CRB1: variants seen among roughly 807,000 people sequenced by gnomAD.
CRB1 encodes crumbs cell polarity complex component 1, also known as protein crumbs homolog 1.
Under a neutral mutation model 120.0 loss-of-function variants are expected in CRB1, and 83 were observed. The ratio of observed to expected loss-of-function variants is 0.69; its 90% CI spans 0.58 to 0.83. CRB1 has a LOEUF of 0.83. Ranked by LOEUF, CRB1 falls within the 40% of genes least tolerant of loss-of-function variation. The probability of loss-of-function intolerance (pLI) is 0.00; values close to 1 mark genes in which losing one functional copy is unlikely to be tolerated. For synonymous variants in CRB1, 625 were observed against 612.5 expected, an observed-to-expected ratio of 1.02 and a Z score of -0.30; for missense variants, 1,699 against 1,687.6, an observed-to-expected ratio of 1.01 and a Z score of -0.12.
intron 5 of CRB1, among the ~76,000 whole-genome samples, chr1:197,367,674 C>T (rs1051042453): frequency 3.3e-5 from 5 of 152,242 alleles, no homozygotes; most frequent in Middle Eastern, 3.4e-3. Flanking sequence ...CATCCAAGTC[C>T]AATTTTCATT....
intron 1 of CRB1, among the ~76,000 whole-genome samples, chr1:197,321,143 A>G (rs1380473305): frequency 2.6e-5 from 4 of 152,118 alleles, no homozygotes; most frequent in Non-Finnish European, 5.9e-5. Context: ...GGAGATCAAG[A>G]CCCATTCTCC....
intron 1 of CRB1, among the ~76,000 whole-genome samples, chr1:197,288,562 C>T (rs950679613): frequency 2.6e-5 from 4 of 151,696 alleles, no homozygotes; most frequent in Non-Finnish European, 5.9e-5. Context: ...GTTAGAATTA[C>T]CAGATAAGGG....
At chr1:197,227,058 C>T in the CRB1 span, among the ~76,000 whole-genome samples, 75 of 152,220 alleles carry the variant, frequency 4.9e-4, no homozygotes, top group Admixed American at 1.8e-3. Context: ...GACACAGAGC[C>T]AAACCATATC....
At chr1:197,395,377 A>G (rs565142150) in intron 5 of CRB1, among the ~76,000 whole-genome samples, 2 of 152,260 alleles carry the variant, frequency 1.3e-5, no homozygotes, top group African/African-American at 4.8e-5. Flanking sequence ...AAAACAAATT[A>G]TTCATAAGCC....
intron 1 of CRB1, among the ~76,000 whole-genome samples, chr1:197,273,633 A>G (rs2125203962): frequency 6.6e-6 from 1 of 152,194 alleles, no homozygotes; most frequent in Admixed American, 6.5e-5. Flanking sequence ...GTATGAATCT[A>G]TTGACATTTA....
the CRB1 span, among the ~76,000 whole-genome samples, chr1:197,227,393 C>CTT: frequency 1.1e-4 from 15 of 138,114 alleles, no homozygotes; most frequent in East Asian, 4.3e-4. Flanking sequence ...TTTTCTTTTT[C>CTT]TTTTTTTTTT....
intron 5 of CRB1, among the ~76,000 whole-genome samples, chr1:197,403,709 T>C (rs1462135810): frequency 3.3e-5 from 5 of 152,154 alleles, no homozygotes; most frequent in Non-Finnish European, 4.4e-5. Context: ...CTCTATTGCT[T>C]GCTGCCAGAT....
At chr1:197,443,571 T>A (rs1472245481) in intron 11 of CRB1, 1 of 151,866 alleles carries the variant, frequency 6.6e-6, no homozygotes, top group Non-Finnish European at 1.5e-5. Flanking sequence ...ATTGTAAAAC[T>A]TGAATTTTCT....
At chr1:197,345,894 G>A (rs1471527068) in intron 3 of CRB1, among the ~76,000 whole-genome samples, 1 of 151,948 alleles carries the variant, frequency 6.6e-6, no homozygotes, top group African/African-American at 2.4e-5. Context: ...TTGACTTTTA[G>A]TTGTACCCCA....
At chr1:197,317,534 C>T (rs1657926611) in intron 1 of CRB1, among the ~76,000 whole-genome samples, 2 of 152,010 alleles carry the variant, frequency 1.3e-5, no homozygotes, top group Admixed American at 6.5e-5. Context: ...CCCCAAATTA[C>T]CCAAGCAATC....
At position 197,460,338 on chromosome 1, in the gene CRB1, C is replaced by A. The variant is rs1467624742; in HGVS notation, c.4006-17326C>A. Among the ~76,000 whole-genome samples the A allele has an allele frequency of 2.0e-5, 3 of 152,114 alleles. No homozygotes were observed. In the East Asian group the frequency reaches 5.8e-4, roughly 29 times the overall value. On this transcript the variant is annotated intron_variant, in intron 11 of 11. Coordinates refer to ENST00000367400, the MANE Select transcript of CRB1 (RefSeq NM_201253.3). ...AGATCAATATAAAAGGTGCCTTATA[C>A]TGAGCAGTGGTTGGTTTGAACATTT...
At chr1:197,376,855 T>G (rs145752250) in intron 5 of CRB1, among the ~76,000 whole-genome samples, 199 of 152,306 alleles carry the variant, frequency 1.3e-3, no homozygotes, top group African/African-American at 4.7e-3. Flanking sequence ...TTGGAAGCCC[T>G]TGTGTGATCT....
chr1:197,434,736 G>A lies in CRB1; in HGVS notation c.2873G>A (p.Ser958Asn), dbSNP rs1236248738. 3.7e-6 allele frequency: 6 copies of A among 1,613,348 alleles called. No homozygotes were observed. Among genetic ancestry groups the A allele is most frequent in the Admixed American group, 1.7e-5 (1 of 59,926 alleles). The change falls in exon 9 of 12, where the codon AGC becomes AAC. Residue 958 changes from serine (S) to asparagine (N), a missense_variant. Transcript: ENST00000367400. ...CIANAVFNGQ[S>N]GQILFRSNGN... is the part of the protein sequence containing the mutation. ...GCAAATGCTGTTTTTAATGGACAAA[G>A]CGGTCAAATATTATTCAGAAGCAAT...
chr1:197,426,194 C>T (rs1664574404), intron 6 of CRB1, among the ~76,000 whole-genome samples: 1 of 152,016 alleles, frequency 6.6e-6, no homozygotes, highest in African/African-American at 2.4e-5. Flanking sequence ...GTTGTATCTA[C>T]CTTCAAAATA....
At chr1:197,414,344 G>A (rs1274673070) in intron 5 of CRB1, among the ~76,000 whole-genome samples, 1 of 151,924 alleles carries the variant, frequency 6.6e-6, no homozygotes, top group Non-Finnish European at 1.5e-5. Context: ...CATGGCTTCA[G>A]CAAAGTGAGA....
the CRB1 span, among the ~76,000 whole-genome samples, chr1:197,229,588 T>C: frequency 6.6e-5 from 10 of 152,208 alleles, no homozygotes; most frequent in Non-Finnish European, 2.9e-5. Context: ...CAGGTAGTTT[T>C]TCAGCCCTTG....
chr1:197,436,910 A>C (rs898283632), intron 9 of CRB1, among the ~76,000 whole-genome samples: 2 of 152,170 alleles, frequency 1.3e-5, no homozygotes, highest in Non-Finnish European at 2.9e-5. Context: ...CCCATTTCAA[A>C]GTATTTCACA....
At position 197,427,607 on chromosome 1, in the gene CRB1, A is replaced by C. The variant is rs1425910355; in HGVS notation, c.2282A>C (p.Gln761Pro). ...LLLALENSTY[Q>P]YIRVWLERGR... Reference sequence around the variant, plus strand: ...CTAGCTTTGGAAAACAGCACTTATCAATATATCCGTGTCTGGCTAGAGCGC... The same window carrying C: ...CTAGCTTTGGAAAACAGCACTTATCCATATATCCGTGTCTGGCTAGAGCGC... The change falls in exon 7 of 12, where the codon CAA becomes CCA. Residue 761 changes from glutamine to proline, a missense_variant. Transcript: ENST00000367400. The C allele has an allele frequency of 6.2e-7, 1 of 1,614,016 alleles. No individual in the cohort carries two copies. Among genetic ancestry groups the C allele is most frequent in the Non-Finnish European group, 8.5e-7 (1 of 1,180,004 alleles).
intron 1 of CRB1, among the ~76,000 whole-genome samples, chr1:197,310,477 A>T (rs1657451373): frequency 6.6e-6 from 1 of 152,196 alleles, no homozygotes; most frequent in Non-Finnish European, 1.5e-5. Flanking sequence ...GGGAAAAGGA[A>T]CGTCAAGGTA....
Sources: gnomAD v4.1 joint callset for allele counts (sites outside exome capture counted in the v4.1 genomes callset) on GRCh38, gnomAD v4.1.1 for gene constraint, MANE v1.5 for transcripts, NCBI Gene and HGNC (gene_info 2026-07-23, HGNC 2026-07-21) for gene names.